The following ARHGEF10 variants were observed in gnomAD, a reference collection of about 807,000 sequenced individuals.
ARHGEF10 encodes the protein Rho guanine nucleotide exchange factor (GEF) 10.
ARHGEF10 carries 140 observed loss-of-function variants against 147.4 expected under a neutral mutation model. That is an observed-to-expected ratio of 0.95 (90% CI 0.83 to 1.09). The LOEUF is 1.09. Among genes scored for constraint, ARHGEF10 ranks in the 50% least tolerant of loss-of-function variants. The probability of loss-of-function intolerance (pLI) is 0.00; values close to 1 mark genes in which losing one functional copy is unlikely to be tolerated. For synonymous variants in ARHGEF10, 902 were observed against 695.8 expected (o/e 1.30, Z -4.67); for missense variants, 2,222 against 1,752.7 (o/e 1.27, Z -4.78).
rs192877434 is a variant in ARHGEF10 at position 1,919,541 on chromosome 8, G to A, written c.2144-3423G>A. Among the ~76,000 whole-genome samples, 207 of 147,426 alleles carry A rather than the reference G, an allele frequency of 1.4e-3. 1 individual carries two copies. Among genetic ancestry groups the A allele is most frequent in the Non-Finnish European group, 2.3e-3 (149 of 66,044 alleles). On this transcript the variant is annotated intron_variant, in intron 18 of 28. Coordinates refer to ENST00000349830, the MANE Select transcript of ARHGEF10 (RefSeq NM_014629.4). ...TCTGTGGGTGATAAACTGTTCTGTC[G>A]AGTGATGGAGCTGTTCTATGGGTGA...
At chr8:1,835,296 C>G (rs1388010055) in intron 1 of ARHGEF10, among the ~76,000 whole-genome samples, 1 of 152,196 alleles carries the variant, frequency 6.6e-6, no homozygotes, top group African/African-American at 2.4e-5. Context: ...AGAGCCTGTC[C>G]CTGCCCCAGG....
intron 2 of ARHGEF10, among the ~76,000 whole-genome samples, chr8:1,850,121 C>T (rs1804963642): frequency 2.3e-5 from 3 of 129,226 alleles, no homozygotes; most frequent in Admixed American, 7.6e-5. Context: ...TGCATGGACA[C>T]AGAGGGCAAA....
chr8:1,901,917 G>A (rs541420780), intron 15 of ARHGEF10, among the ~76,000 whole-genome samples: 47 of 152,302 alleles, frequency 3.1e-4, no homozygotes, highest in South Asian at 8.3e-4. Context: ...AGATAAGCAC[G>A]CTGTTGAATT....
intron 5 of ARHGEF10, 53 bp downstream of exon 5, chr8:1,864,489 A>C (rs1806418212): frequency 6.4e-7 from 1 of 1,571,216 alleles, no homozygotes; most frequent in Admixed American, 1.7e-5. Context: ...TCTCCTGAGG[A>C]GCTGGACGTG....
At chr8:1,881,024 G>T (rs1374055573) in intron 9 of ARHGEF10, among the ~76,000 whole-genome samples, 2 of 152,224 alleles carry the variant, frequency 1.3e-5, no homozygotes, top group African/African-American at 4.8e-5. Context: ...GTGTGGCGGG[G>T]TTTCTGAGGA....
intron 11 of ARHGEF10, among the ~76,000 whole-genome samples, chr8:1,888,129 GT>G (rs147250900): frequency 0.24 from 13,964 of 57,950 alleles, 2,834 homozygotes; most frequent in African/African-American, 0.55. Context: ...TGGGGTGAGG[GT>G]TTGCGAGGAG....
intron 26 of ARHGEF10, 139 bp downstream of exon 26, chr8:1,934,081 T>A (rs1390254145): frequency 8.5e-7 from 1 of 1,173,134 alleles, no homozygotes; most frequent in African/African-American, 1.5e-5. Context: ...ATGCCTGTAA[T>A]GCCAACACTC....
At chr8:1,910,371 C>T (rs564869017) in intron 18 of ARHGEF10, among the ~76,000 whole-genome samples, 14 of 152,226 alleles carry the variant, frequency 9.2e-5, no homozygotes, top group East Asian at 3.9e-4. Flanking sequence ...GCTTTGGGAC[C>T]GCTTTTATTT....
At chr8:1,855,376 G>T (rs1423599017) in intron 2 of ARHGEF10, among the ~76,000 whole-genome samples, 1 of 151,622 alleles carries the variant, frequency 6.6e-6, no homozygotes, top group African/African-American at 2.4e-5. Context: ...GGGGTGGTCA[G>T]AACAGAAACT....
At chr8:1,857,482 C>T (rs1403216825) in intron 2 of ARHGEF10, among the ~76,000 whole-genome samples, 2 of 149,990 alleles carry the variant, frequency 1.3e-5, no homozygotes, top group Non-Finnish European at 1.5e-5. Flanking sequence ...TGCAATGGTG[C>T]AATCTCGGTT....
chr8:1,907,366 C>T (rs1421020279), intron 17 of ARHGEF10, among the ~76,000 whole-genome samples: 2 of 152,140 alleles, frequency 1.3e-5, no homozygotes, highest in African/African-American at 4.8e-5. Flanking sequence ...TTGGCCCACA[C>T]GATGTGTCAA....
intron 26 of ARHGEF10, among the ~76,000 whole-genome samples, chr8:1,940,559 T>G (rs187867369): frequency 5.3e-5 from 8 of 152,274 alleles, no homozygotes; most frequent in African/African-American, 1.9e-4. Context: ...CAAACATCTT[T>G]AAAAAGAATT....
intron 1 of ARHGEF10, chr8:1,826,003 A>G (rs12682075): frequency 0.05 from 46,413 of 922,730 alleles, 1,468 homozygotes; most frequent in East Asian, 0.095. Flanking sequence ...TTTACACGTC[A>G]TGTATTTTTA....
At chr8:1,893,545 ATTG>A (rs1563246469) in intron 11 of ARHGEF10, 21 bp from the exon 12 acceptor site, 1 of 1,559,368 alleles carries the variant, frequency 6.4e-7, no homozygotes, top group Admixed American at 1.7e-5. Context: ...GTTTTCTATC[ATTG>A]TACTTCCAAA....
intron 1 of ARHGEF10, among the ~76,000 whole-genome samples, chr8:1,842,032 CGGCGG>C: frequency 7.2e-5 from 8 of 111,324 alleles, no homozygotes; most frequent in Non-Finnish European, 1.1e-4. Flanking sequence ...ACTGGGGCCG[CGGCGG>C]GAACTGGGGC....
chr8:1,926,952 C>G (rs1812738525), intron 23 of ARHGEF10: 1 of 246,262 alleles, frequency 4.1e-6, no homozygotes, highest in South Asian at 4.6e-5. Flanking sequence ...CAGGCTCTCC[C>G]CTCTCTGGTT....
At chr8:1,912,230 C>T (rs1408571264) in intron 18 of ARHGEF10, among the ~76,000 whole-genome samples, 1 of 151,820 alleles carries the variant, frequency 6.6e-6, no homozygotes, top group African/African-American at 2.4e-5. Flanking sequence ...GCTGTCCCCG[C>T]AGAAGCGCCA....
At chr8:1,863,041 C>T (rs13271133) in intron 4 of ARHGEF10, among the ~76,000 whole-genome samples, 22,810 of 151,986 alleles carry the variant, frequency 0.15, 2,216 homozygotes, top group East Asian at 0.36. Context: ...CCTCAGCCTC[C>T]GAAAGTGCTG....
At chr8:1,935,004 G>T (rs1268327617) in intron 26 of ARHGEF10, among the ~76,000 whole-genome samples, 1 of 152,016 alleles carries the variant, frequency 6.6e-6, no homozygotes, top group Non-Finnish European at 1.5e-5. Flanking sequence ...ATGTTCAAAG[G>T]ACATGAACAG....
Sources: allele counts gnomAD v4.1 joint callset (sites outside exome capture counted in the v4.1 genomes callset), GRCh38; gene constraint gnomAD v4.1.1; transcripts MANE v1.5; gene names NCBI Gene and HGNC (gene_info 2026-07-23, HGNC 2026-07-21).